The following MCF2L variants were observed in gnomAD, a reference collection of about 807,000 sequenced individuals.
MCF2L encodes guanine nucleotide exchange factor DBS.
Under a neutral mutation model 153.4 loss-of-function variants are expected in MCF2L, and 97 were observed. The observed-to-expected ratio is 0.63, with a 90% CI of 0.54 to 0.75. MCF2L has a LOEUF of 0.75. Ranked by LOEUF, MCF2L falls within the 30% of genes least tolerant of loss-of-function variation. MCF2L has a pLI of 0.00. For synonymous variants in MCF2L, 659 were observed against 632.2 expected (o/e 1.04, Z -0.64); for missense variants, 1,347 against 1,495.2 (o/e 0.90, Z 1.64).
chr13:113,015,667 A>T (rs2084465635), intron 2 of MCF2L, among the ~76,000 whole-genome samples: 1 of 152,174 alleles, frequency 6.6e-6, no homozygotes, highest in Admixed American at 6.5e-5. Context: ...GGTCTGAGGG[A>T]GGCTGACTGC....
chr13:112,994,200 T>G (rs1272331265), intron 1 of MCF2L, among the ~76,000 whole-genome samples: 1 of 150,210 alleles, frequency 6.7e-6, no homozygotes, highest in Non-Finnish European at 1.5e-5. Context: ...GGGGCGTGGC[T>G]GCCAACGGGG....
chr13:112,908,533 G>A (rs145689182), intron 2 of MCF2L, among the ~76,000 whole-genome samples: 25 of 152,250 alleles, frequency 1.6e-4, no homozygotes, highest in African/African-American at 5.8e-4. Context: ...GCATGCCCCA[G>A]AGCACACATG....
chr13:113,042,502 A>G (rs918590254), intron 3 of MCF2L: 1 of 152,244 alleles, frequency 6.6e-6, no homozygotes, highest in Non-Finnish European at 1.5e-5. Flanking sequence ...AATGTAACAC[A>G]AAGATTTAAA....
At position 113,064,961 on chromosome 13, in the gene MCF2L, T is replaced by C. The variant is rs2141831950; in HGVS notation, c.632T>C (p.Val211Ala). The change falls in exon 7 of 30, where the codon GTG becomes GCG. Residue 211 changes from valine to alanine, a missense_variant. Val to Ala is a moderately conservative substitution (Grantham distance 64). Coordinates refer to ENST00000535094, the MANE Select transcript of MCF2L (RefSeq NM_001112732.3). The surrounding 1 kb of genome is among the most constrained non-coding windows in gnomAD (Gnocchi z 6.0). ...GCCATCGAAAGTTTCGCCCTCATGG[T>C]GAAGCAGACGGCTCAGATGCTGCAG... is the stretch of plus-strand genomic sequence containing the variant. ...RTAIESFALM[V>A]KQTAQMLQSF... 6 of 1,613,094 alleles carry C rather than the reference T, an allele frequency of 3.7e-6. No individual in the cohort carries two copies. The highest frequency in any genetic ancestry group is 4.2e-6 in the Non-Finnish European group (5 of 1,179,954).
Position 112,951,017 on chromosome 13 carries a change from G to T in MCF2L, c.169+48646G>T, listed in dbSNP as rs990015770. ...GATTAAGAAATCTCAAATCTCACCA[G>T]TACAAAAACAAACAATTCGCTTAGA... On this transcript the variant is annotated intron_variant, in intron 2 of 29. Transcript: ENST00000375608. This position sits in a 1 kb window ranked among gnomAD's most constrained non-coding sequence, Gnocchi z 4.8. Among the ~76,000 whole-genome samples, 3 of 152,156 alleles carry T rather than the reference G, an allele frequency of 2.0e-5. No homozygotes were observed. Among genetic ancestry groups the T allele is most frequent in the African/African-American group, 7.2e-5 (3 of 41,438 alleles).
chr13:113,087,653 C>G (rs1037275400), intron 22 of MCF2L, 54 bp from the exon 23 acceptor site: 1 of 1,467,610 alleles, frequency 6.8e-7, no homozygotes, highest in Non-Finnish European at 9.5e-7. Context: ...CTTTTAAAAA[C>G]AAGGCAGTGG....
rs1296384871 is a variant in MCF2L at position 113,070,608 on chromosome 13, C to T, written c.996+435C>T. Reference sequence around the variant, plus strand: ...CAGACGTCTCCCTCCTGCGGCCCTTCGTGGACTCACCCATGTCCCTCCTCA... The same window carrying T: ...CAGACGTCTCCCTCCTGCGGCCCTTTGTGGACTCACCCATGTCCCTCCTCA... On this transcript the variant is annotated intron_variant, in intron 9 of 29. Transcript: ENST00000535094. This position sits in a 1 kb window ranked among gnomAD's most constrained non-coding sequence, Gnocchi z 5.6. 6.8e-6 allele frequency among the ~76,000 whole-genome samples: 1 copy of T among 146,774 alleles called. No homozygotes were observed. Among genetic ancestry groups the T allele is most frequent in the Non-Finnish European group, 1.5e-5 (1 of 66,872 alleles).
chr13:112,913,462 A>T (rs1247120522), intron 2 of MCF2L, among the ~76,000 whole-genome samples: 1 of 152,136 alleles, frequency 6.6e-6, no homozygotes, highest in Non-Finnish European at 1.5e-5. Context: ...GTTATGTTTG[A>T]TGCAGCTGGC....
chr13:113,036,025 C>T (rs2086132511), intron 3 of MCF2L, among the ~76,000 whole-genome samples: 3 of 152,262 alleles, frequency 2.0e-5, no homozygotes, highest in African/African-American at 4.8e-5. Flanking sequence ...TGGAGGATGG[C>T]TGCAGGTCAG....
chr13:112,979,427 C>G, intron 1 of MCF2L: 1 of 1,398,702 alleles, frequency 7.1e-7, no homozygotes, highest in African/African-American at 1.5e-5. Flanking sequence ...CTCTGGGAGG[C>G]CGGGCACTCT....
intron 13 of MCF2L, among the ~76,000 whole-genome samples, 176 bp from the exon 14 acceptor site, chr13:113,078,187 A>C (rs545708482): frequency 2.2e-4 from 33 of 151,030 alleles, no homozygotes; most frequent in Non-Finnish European, 1.5e-5. Context: ...CCCAGAGGCC[A>C]AGTCCTGCCC....
chr13:112,989,965 G>A (rs990275472), intron 1 of MCF2L, among the ~76,000 whole-genome samples: 17 of 152,126 alleles, frequency 1.1e-4, no homozygotes, highest in African/African-American at 3.1e-4. Flanking sequence ...TAGATCCCTC[G>A]CATGCACAGT....
chr13:113,085,201 CCCGG>C, intron 20 of MCF2L, 23 bp downstream of exon 20: 1 of 1,605,554 alleles, frequency 6.2e-7, no homozygotes, highest in Non-Finnish European at 8.5e-7. Context: ...GTGACCGTGG[CCCGG>C]CCTCCCCAGC....
intron 26 of MCF2L, among the ~76,000 whole-genome samples, chr13:113,091,361 A>C (rs2142093956): frequency 6.6e-6 from 1 of 152,334 alleles, no homozygotes; most frequent in South Asian, 2.1e-4. Context: ...CTCTGGTGAC[A>C]GGTCCTCGAG....
chr13:113,071,895 T>G (rs1183929879), intron 9 of MCF2L, among the ~76,000 whole-genome samples: 1 of 152,274 alleles, frequency 6.6e-6, no homozygotes, highest in South Asian at 2.1e-4. Flanking sequence ...TCTACATATA[T>G]GAAAACAAAT....
At chr13:112,977,989 G>T (rs1156710476) in intron 1 of MCF2L, among the ~76,000 whole-genome samples, 2 of 152,206 alleles carry the variant, frequency 1.3e-5, no homozygotes, top group East Asian at 1.9e-4. Context: ...CAGGAGAATT[G>T]CCTGAACCCA....
At chr13:112,958,694 C>T (rs1029838575) in intron 2 of MCF2L, among the ~76,000 whole-genome samples, 2 of 152,198 alleles carry the variant, frequency 1.3e-5, no homozygotes, top group East Asian at 1.9e-4. Context: ...TGTTACTTCC[C>T]GTGCCTTCAT....
intron 2 of MCF2L, among the ~76,000 whole-genome samples, chr13:112,909,028 C>A (rs2081202137): frequency 6.6e-6 from 1 of 152,178 alleles, no homozygotes; most frequent in Non-Finnish European, 1.5e-5. Context: ...CCCGCCCATG[C>A]TTATGTTTAT....
chr13:113,060,125 G>T (rs1024260260), intron 4 of MCF2L, among the ~76,000 whole-genome samples: 2 of 152,354 alleles, frequency 1.3e-5, no homozygotes, highest in African/African-American at 4.8e-5. Context: ...CTCCCTGGGT[G>T]TGGAAGCACC....
Sources: gnomAD v4.1 joint callset for allele counts (sites outside exome capture counted in the v4.1 genomes callset) on GRCh38, gnomAD v4.1.1 for gene constraint, Gnocchi (gnomAD v3.1) non-coding constraint, MANE v1.5 for transcripts, NCBI Gene and HGNC (gene_info 2026-07-23, HGNC 2026-07-21) for gene names.